DOCK10: variants seen among roughly 807,000 people sequenced by gnomAD.
DOCK10 encodes the protein dedicator of cytokinesis protein 10.
A neutral mutation model predicts 280.1 loss-of-function variants in DOCK10; 145 were observed. The observed-to-expected ratio is 0.52, with a 90% CI of 0.45 to 0.59. The LOEUF is 0.59. Among genes scored for constraint, DOCK10 ranks in the 20% least tolerant of loss-of-function variants. The pLI, the probability that DOCK10 is intolerant of heterozygous loss-of-function variation, is 0.00. For missense variants in DOCK10, 2,368 were observed against 2,651.7 expected (o/e 0.89, Z 2.35); for synonymous variants, 915 against 942.2 (o/e 0.97, Z 0.53).
rs755298753 is a variant in DOCK10 at position 224,802,021 on chromosome 2, G to A, written c.4288C>T (p.His1430Tyr). Reference protein sequence around the residue: ...LSQWMHSTSSHEGHKQHRSQT... With the variant: ...LSQWMHSTSSYEGHKQHRSQT... Reference sequence around the variant, plus strand: ...GATCTGTGCTGCTTATGGCCTTCATGACTGGAAGTGGAGTGCATCCTGAAA... The same window carrying A: ...GATCTGTGCTGCTTATGGCCTTCATAACTGGAAGTGGAGTGCATCCTGAAA... Residue 1430 changes from histidine to tyrosine, a missense_variant, in exon 40 of 56, where the codon CAT (histidine) becomes TAT (tyrosine). Physicochemically the swap from His to Tyr is moderately conservative, Grantham distance 83. This residue lies in a region of DOCK10 where 1,159 missense variants were observed against 1,400.8 expected (regional missense o/e 0.83). Coordinates refer to ENST00000258390, the MANE Select transcript of DOCK10 (RefSeq NM_014689.3). 1 of 1,612,822 alleles carries A rather than the reference G, an allele frequency of 6.2e-7. No homozygotes were observed. Among genetic ancestry groups the A allele is most frequent in the East Asian group, 2.2e-5 (1 of 44,848 alleles).
At chr2:224,862,430 T>C (rs1559591319) in intron 14 of DOCK10, 1 of 389,078 alleles carries the variant, frequency 2.6e-6, no homozygotes, top group Non-Finnish European at 4.7e-6. Context: ...GCATATCTGG[T>C]CATGCATGCA....
chr2:224,905,947 A>G (rs1700603383), intron 3 of DOCK10, among the ~76,000 whole-genome samples: 2 of 152,034 alleles, frequency 1.3e-5, no homozygotes, highest in African/African-American at 4.8e-5. Context: ...TTTCAAATCT[A>G]GAGTAACTGC....
chr2:224,869,846 C>T (rs900445742), intron 11 of DOCK10, among the ~76,000 whole-genome samples: 1 of 152,116 alleles, frequency 6.6e-6, no homozygotes, highest in Non-Finnish European at 1.5e-5. Context: ...TCATATGCCC[C>T]TGGCAGTAGA....
rs765044178 is a variant in DOCK10, at chr2:224,865,057, A to G, written c.1288T>C (p.Tyr430His). The G allele has an allele frequency of 6.8e-6, 11 of 1,614,018 alleles. No individual in the cohort carries two copies. The highest frequency in any genetic ancestry group is 3.3e-5 in the Admixed American group (2 of 60,024). ...IEPFFVSVAL[Y>H]DLRDSRKISA... Reference sequence around the variant, plus strand: ...ATCTTCCTGCTGTCTCTGAGGTCATAAAGTGCCACACTCACAAAAAAAGGC... The same window carrying G: ...ATCTTCCTGCTGTCTCTGAGGTCATGAAGTGCCACACTCACAAAAAAAGGC... The change falls in exon 12 of 56, where the codon TAT (tyrosine) becomes CAT (histidine). Residue 430 changes from tyrosine to histidine, a missense_variant. Physicochemically the swap from Tyr to His is moderately conservative, Grantham distance 83. Around this residue, in one of 2 missense-constraint regions of DOCK10, gnomAD observed 1,209 missense variants for 1,250.9 expected, o/e 0.97. Transcript: ENST00000258390.
intron 2 of DOCK10, among the ~76,000 whole-genome samples, chr2:224,920,860 C>T (rs1274419085): frequency 6.6e-6 from 1 of 151,106 alleles, no homozygotes; most frequent in East Asian, 1.9e-4. Flanking sequence ...ATAATAAGAT[C>T]CAAATTGGCT....
chr2:224,787,750 A>G (rs1372625577), intron 48 of DOCK10, among the ~76,000 whole-genome samples: 1 of 152,078 alleles, frequency 6.6e-6, no homozygotes, highest in Non-Finnish European at 1.5e-5. Context: ...TAAAACATAA[A>G]TCTGATCATG....
intron 1 of DOCK10, among the ~76,000 whole-genome samples, chr2:224,995,346 C>T (rs1055212488): frequency 1.3e-5 from 2 of 152,232 alleles, no homozygotes; most frequent in African/African-American, 4.8e-5. Flanking sequence ...TGAAGACAGT[C>T]TCACTGTAGA....
At chr2:224,824,879 C>T (rs1486797546) in intron 27 of DOCK10, among the ~76,000 whole-genome samples, 1 of 151,756 alleles carries the variant, frequency 6.6e-6, no homozygotes, top group African/African-American at 2.4e-5. Flanking sequence ...TTCCATGCTG[C>T]AAGGATAAAA....
intron 40 of DOCK10, among the ~76,000 whole-genome samples, chr2:224,800,734 G>A (rs1054174032): frequency 6.6e-6 from 1 of 152,170 alleles, no homozygotes; most frequent in African/African-American, 2.4e-5. Flanking sequence ...GTCAAATTCT[G>A]TAAAATATTT....
chr2:224,918,553 AGTGT>A (rs541020555), intron 2 of DOCK10, among the ~76,000 whole-genome samples: 1 of 127,214 alleles, frequency 7.9e-6, no homozygotes, highest in East Asian at 2.4e-4. Context: ...TATATGTGTG[AGTGT>A]GTGTGGTGAG....
At chr2:224,782,630 T>C (rs1455778511) in intron 50 of DOCK10, among the ~76,000 whole-genome samples, 1 of 152,244 alleles carries the variant, frequency 6.6e-6, no homozygotes, top group Non-Finnish European at 1.5e-5. Flanking sequence ...AAGTTCCTGC[T>C]ATGAACGATC....
At chr2:224,996,812 A>C (rs1296236186) in intron 1 of DOCK10, among the ~76,000 whole-genome samples, 1 of 152,166 alleles carries the variant, frequency 6.6e-6, no homozygotes, top group Non-Finnish European at 1.5e-5. Context: ...GGGTGAAAGG[A>C]GATGCAGGCC....
intron 25 of DOCK10, among the ~76,000 whole-genome samples, chr2:224,834,638 C>A (rs887492558): frequency 2.0e-5 from 3 of 152,154 alleles, no homozygotes; most frequent in Non-Finnish European, 4.4e-5. Context: ...GGGTAGAGCA[C>A]CCACTCAAAT....
intron 1 of DOCK10, among the ~76,000 whole-genome samples, chr2:224,934,229 T>A (rs148098400): frequency 1.3e-5 from 2 of 152,324 alleles, no homozygotes; most frequent in East Asian, 3.9e-4. Context: ...CATTTCAGGC[T>A]ATGACATCAA....
chr2:224,982,483 A>G (rs917265249), intron 1 of DOCK10: 22 of 1,226,748 alleles, frequency 1.8e-5, no homozygotes, highest in African/African-American at 4.7e-5. Flanking sequence ...TCACTCTCCA[A>G]TCACTTCCTT....
chr2:225,022,888 T>C (rs1411703771), intron 1 of DOCK10, among the ~76,000 whole-genome samples: 1 of 152,346 alleles, frequency 6.6e-6, no homozygotes, highest in Admixed American at 6.5e-5. Context: ...ATGAGAACTT[T>C]GTATGGGACA....
At chr2:224,835,721 TA>T (rs1559520559) in intron 25 of DOCK10, among the ~76,000 whole-genome samples, 1 of 152,220 alleles carries the variant, frequency 6.6e-6, no homozygotes, top group Non-Finnish European at 1.5e-5. Context: ...CTTGCCAGCT[TA>T]GTGTTCTTTC....
intron 1 of DOCK10, among the ~76,000 whole-genome samples, chr2:224,969,609 A>C (rs1704970318): frequency 6.6e-6 from 1 of 152,182 alleles, no homozygotes; most frequent in Admixed American, 6.5e-5. Context: ...CAGTTCTATT[A>C]ATCACAGATT....
chr2:224,900,304 T>C (rs943940571), intron 3 of DOCK10, among the ~76,000 whole-genome samples: 8 of 152,148 alleles, frequency 5.3e-5, no homozygotes, highest in African/African-American at 1.2e-4. Context: ...AACTTTCTTT[T>C]TTTAAAGCTA....
Sources: gnomAD v4.1 joint callset for allele counts (sites outside exome capture counted in the v4.1 genomes callset) on GRCh38, gnomAD v4.1.1 for gene constraint, gnomAD v4.1.1 regional missense constraint, MANE v1.5 for transcripts, NCBI Gene and HGNC (gene_info 2026-07-23, HGNC 2026-07-21) for gene names.